Variants in TMEM268 observed in about 807,000 individuals in gnomAD.
The protein encoded by TMEM268 is transmembrane protein C9orf91.
TMEM268 carries 24 observed loss-of-function variants against 39.1 expected under a neutral mutation model. The ratio of observed to expected loss-of-function variants is 0.61; its 90% confidence interval spans 0.44 to 0.86. The LOEUF is 0.86. Among genes scored for constraint, TMEM268 ranks in the 40% least tolerant of loss-of-function variants. The pLI, the probability that TMEM268 is intolerant of heterozygous loss-of-function variation, is 0.00. For synonymous variants in TMEM268, 176 were observed against 173.5 expected (o/e 1.01, Z -0.12); for missense variants, 409 against 428.6 (o/e 0.95, Z 0.40).
In TMEM268 at chr9:114,619,579, G is replaced by A. The variant is rs1427424300; in HGVS notation, c.106+2278G>A. ...CTCCATGCGTGGAGTCCAAATCAAC[G>A]TGGAGTTTTCATTCTTGCTGTGGAC... On this transcript the variant is annotated intron_variant, in intron 2 of 8. Transcript: ENST00000288502. 2.0e-5 allele frequency among the ~76,000 whole-genome samples: 3 copies of A among 152,200 alleles called. No individual in the cohort carries two copies. In the South Asian group the frequency reaches 6.2e-4, roughly 31 times the overall value.
chr9:114,639,461 C>A (rs1457677676), intron 8 of TMEM268, among the ~76,000 whole-genome samples: 1 of 152,114 alleles, frequency 6.6e-6, no homozygotes, highest in Admixed American at 6.5e-5. Flanking sequence ...GTCCTGCCAT[C>A]CACACTGTCT....
chr9:114,620,382 C>T (rs1477936297), intron 2 of TMEM268, among the ~76,000 whole-genome samples: 6 of 152,066 alleles, frequency 3.9e-5, no homozygotes, highest in South Asian at 2.1e-4. Flanking sequence ...GTAGCTGGGA[C>T]GACAGGCACG....
At chr9:114,637,282 T>G (rs1846680176) in intron 7 of TMEM268, among the ~76,000 whole-genome samples, 3 of 120,434 alleles carry the variant, frequency 2.5e-5, no homozygotes. Flanking sequence ...TGAGCATATA[T>G]TTCTTCTTTT....
intron 2 of TMEM268, among the ~76,000 whole-genome samples, chr9:114,618,913 C>T (rs1348326931): frequency 6.6e-6 from 1 of 152,162 alleles, no homozygotes; most frequent in Admixed American, 6.5e-5. Flanking sequence ...TCTATAGTAC[C>T]TAGCACAGAC....
intron 3 of TMEM268, among the ~76,000 whole-genome samples, chr9:114,625,919 C>T (rs560087299): frequency 5.9e-4 from 89 of 151,212 alleles, no homozygotes; most frequent in African/African-American, 2.0e-3. Flanking sequence ...CTCTGCCTCC[C>T]GGCTTCAAGC....
intron 1 of TMEM268, among the ~76,000 whole-genome samples, chr9:114,613,434 G>C (rs1156453908): frequency 6.6e-6 from 1 of 152,170 alleles, no homozygotes; most frequent in Non-Finnish European, 1.5e-5. Flanking sequence ...ATGTCCCTTC[G>C]TTTCTTGTCT....
intron 7 of TMEM268, among the ~76,000 whole-genome samples, chr9:114,637,862 T>G (rs1264783326): frequency 6.6e-6 from 1 of 152,208 alleles, no homozygotes; most frequent in Non-Finnish European, 1.5e-5. Context: ...TAGCCTTTTC[T>G]GAGCCCCGGC....
intron 1 of TMEM268, among the ~76,000 whole-genome samples, chr9:114,614,366 G>T (rs1448946985): frequency 6.6e-6 from 1 of 152,212 alleles, no homozygotes; most frequent in Non-Finnish European, 1.5e-5. Flanking sequence ...CATGCAATCT[G>T]TGCAGTCACA....
At chr9:114,618,856 G>A (rs1248547745) in intron 2 of TMEM268, among the ~76,000 whole-genome samples, 1 of 152,172 alleles carries the variant, frequency 6.6e-6, no homozygotes, top group Non-Finnish European at 1.5e-5. Context: ...CTTCACTAGA[G>A]TGTAAGCTCC....
chr9:114,624,567 C>A, intron 3 of TMEM268, 108 bp downstream of exon 3: 1 of 1,470,244 alleles, frequency 6.8e-7, no homozygotes. Context: ...TCTGTACCAG[C>A]TGTCGTAGGG....
At chr9:114,627,563 A>T (rs1032366992) in intron 4 of TMEM268, among the ~76,000 whole-genome samples, 8 of 152,180 alleles carry the variant, frequency 5.3e-5, no homozygotes, top group Admixed American at 3.9e-4. Context: ...TTGTATGTAT[A>T]AATGGTCAAA....
In TMEM268 at chr9:114,645,283, G is replaced by C. The variant is rs1328591337; in HGVS notation, c.*1970G>C. ...AAGACTGGCCTACCTAGCAGACCTG[G>C]ATTTTTCTTCCTGATCTGCTGCTTC... On this transcript the variant is annotated 3_prime_UTR_variant, in exon 9 of 9. Coordinates refer to ENST00000288502, the MANE Select transcript of TMEM268 (RefSeq NM_153045.4). The C allele has an allele frequency of 6.6e-6, 1 of 152,334 alleles. No individual in the cohort carries two copies. The highest frequency in any genetic ancestry group is 1.9e-4 in the East Asian group (1 of 5,338). 9.4% of individuals were successfully genotyped at this position (152,334 alleles called of 1,614,324 possible).
chr9:114,642,033 A>G (rs1289175488), intron 8 of TMEM268, among the ~76,000 whole-genome samples: 1 of 152,234 alleles, frequency 6.6e-6, no homozygotes, highest in African/African-American at 2.4e-5. Context: ...GCAAATATAC[A>G]TAATATAAAA....
intron 3 of TMEM268, among the ~76,000 whole-genome samples, chr9:114,624,851 T>A (rs1846092405): frequency 6.6e-6 from 1 of 152,198 alleles, no homozygotes; most frequent in Non-Finnish European, 1.5e-5. Context: ...GAAACTTGCC[T>A]GGGGGAAGAG....
At chr9:114,620,510 A>G in intron 2 of TMEM268, among the ~76,000 whole-genome samples, 1 of 152,098 alleles carries the variant, frequency 6.6e-6, no homozygotes, top group Non-Finnish European at 1.5e-5. Context: ...CAGCCTCCCA[A>G]AGTGCTGGGA....
chr9:114,609,512 AAAAC>A (rs144695509), upstream of TMEM268, among the ~76,000 whole-genome samples: 3,835 of 151,634 alleles, frequency 0.025, 85 homozygotes, highest in East Asian at 0.08. Context: ...CTACAAAACA[AAAAC>A]AAAAACAAAA....
chr9:114,632,683 C>T (rs1364380173), intron 5 of TMEM268, among the ~76,000 whole-genome samples: 1 of 152,178 alleles, frequency 6.6e-6, no homozygotes, highest in Non-Finnish European at 1.5e-5. Flanking sequence ...TTCACTTACA[C>T]AACAGATTTG....
At chr9:114,625,695 G>A (rs1005924191) in intron 3 of TMEM268, among the ~76,000 whole-genome samples, 5 of 151,468 alleles carry the variant, frequency 3.3e-5, no homozygotes, top group African/African-American at 4.9e-5. Context: ...CACCCGCCTC[G>A]GCCTCCCAAA....
chr9:114,638,778 T>A (rs1564301934), intron 8 of TMEM268, 52 bp downstream of exon 8: 2 of 1,422,010 alleles, frequency 1.4e-6, no homozygotes, highest in African/African-American at 2.9e-5. Flanking sequence ...GGAATTTGCA[T>A]AGAGAAAGCC....
Sources: gnomAD v4.1 joint callset for allele counts (sites outside exome capture counted in the v4.1 genomes callset) on GRCh38, gnomAD v4.1.1 for gene constraint, MANE v1.5 for transcripts, NCBI Gene and HGNC (gene_info 2026-07-23, HGNC 2026-07-21) for gene names.